Variants in STXBP6 observed in about 807,000 individuals in gnomAD.
STXBP6 encodes the protein syntaxin-binding protein 6.
A neutral mutation model predicts 26.9 loss-of-function variants in STXBP6; 21 were observed. The ratio of observed to expected loss-of-function variants is 0.78; its 90% CI spans 0.55 to 1.12. STXBP6 has a LOEUF of 1.12. STXBP6 is among the 50% of genes most tolerant of loss of function. STXBP6 has a pLI of 0.00. For synonymous variants in STXBP6, 97 were observed against 92.6 expected (o/e 1.05, Z -0.27); for missense variants, 232 against 257.9 (o/e 0.90, Z 0.69).
intron 2 of STXBP6, among the ~76,000 whole-genome samples, chr14:24,930,633 A>G (rs1042088570): frequency 2.0e-5 from 3 of 152,312 alleles, no homozygotes; most frequent in South Asian, 2.1e-4. Flanking sequence ...AGGTTTACCA[A>G]AATTACAACT....
At chr14:24,878,454 T>A (rs2070227865) in intron 2 of STXBP6, among the ~76,000 whole-genome samples, 3 of 152,114 alleles carry the variant, frequency 2.0e-5, no homozygotes, top group African/African-American at 7.2e-5. Flanking sequence ...TTCTTAACAC[T>A]TTATCTTTTC....
At chr14:24,951,485 CT>C (rs1320463676) in intron 2 of STXBP6, among the ~76,000 whole-genome samples, 14 of 152,126 alleles carry the variant, frequency 9.2e-5, no homozygotes, top group Non-Finnish European at 2.1e-4. Flanking sequence ...TGATGATGAG[CT>C]TTTTTTCATG....
intron 2 of STXBP6, among the ~76,000 whole-genome samples, chr14:24,942,259 T>C (rs2072829481): frequency 6.6e-5 from 10 of 152,146 alleles, no homozygotes. Context: ...AAAAATGATA[T>C]CAAGGGACTA....
intron 5 of STXBP6, 66 bp downstream of exon 5, chr14:24,818,971 A>C: frequency 6.7e-7 from 1 of 1,496,816 alleles, no homozygotes; most frequent in Non-Finnish European, 8.9e-7. Flanking sequence ...TACTGAAATA[A>C]AGTTTCTTGG....
intron 2 of STXBP6, among the ~76,000 whole-genome samples, chr14:24,966,961 A>G: frequency 6.6e-6 from 1 of 152,340 alleles, no homozygotes; most frequent in East Asian, 1.9e-4. Context: ...CATGATTATC[A>G]CTAAAGCCGT....
chr14:24,968,391 A>G (rs1349361427), intron 2 of STXBP6, among the ~76,000 whole-genome samples: 3 of 152,070 alleles, frequency 2.0e-5, no homozygotes. Context: ...ATAGACTTTG[A>G]GATGAGAGCC....
intron 5 of STXBP6, chr14:24,817,022 T>C (rs972017423): frequency 6.6e-6 from 1 of 152,242 alleles, no homozygotes; most frequent in Non-Finnish European, 1.5e-5. Flanking sequence ...CTGAACACTC[T>C]AGTACGTAGG....
chr14:24,864,141 C>G (rs1449678639), intron 2 of STXBP6, among the ~76,000 whole-genome samples: 1 of 152,084 alleles, frequency 6.6e-6, no homozygotes, highest in Non-Finnish European at 1.5e-5. Context: ...ATTTTTGATC[C>G]ATTCTTAGGC....
chr14:24,944,780 A>G (rs1403009402), intron 2 of STXBP6, among the ~76,000 whole-genome samples: 1 of 151,882 alleles, frequency 6.6e-6, no homozygotes, highest in Middle Eastern at 3.2e-3. Context: ...GTAGGACAGT[A>G]CTCTCCATTG....
chr14:25,021,967 T>C (rs893110124), intron 1 of STXBP6, among the ~76,000 whole-genome samples: 3 of 151,868 alleles, frequency 2.0e-5, no homozygotes, highest in African/African-American at 7.3e-5. Flanking sequence ...CAATAGGGAG[T>C]GGTATAGGCC....
intron 1 of STXBP6, among the ~76,000 whole-genome samples, chr14:25,027,070 T>C (rs2075363170): frequency 1.3e-5 from 2 of 152,184 alleles, no homozygotes; most frequent in Admixed American, 6.5e-5. Flanking sequence ...ATACAAACAA[T>C]GGCATTCAGA....
chr14:24,953,618 CTA>C (rs538610565), intron 2 of STXBP6, among the ~76,000 whole-genome samples: 134 of 152,298 alleles, frequency 8.8e-4, no homozygotes, highest in Middle Eastern at 3.4e-3. Flanking sequence ...TTCTTTTGTT[CTA>C]TGTTTTCTTT....
At chr14:24,835,710 T>C (rs1048098353) in intron 4 of STXBP6, among the ~76,000 whole-genome samples, 2 of 152,170 alleles carry the variant, frequency 1.3e-5, no homozygotes, top group Non-Finnish European at 2.9e-5. Context: ...AATTTTGTGG[T>C]TTGGAATAAA....
At chr14:24,822,925 G>T (rs1378493520) in intron 4 of STXBP6, among the ~76,000 whole-genome samples, 2 of 152,160 alleles carry the variant, frequency 1.3e-5, no homozygotes, top group African/African-American at 2.4e-5. Context: ...TAACTCAAAA[G>T]TTGGGACTCA....
At chr14:24,992,239 C>G (rs1230903898) in intron 1 of STXBP6, among the ~76,000 whole-genome samples, 1 of 152,168 alleles carries the variant, frequency 6.6e-6, no homozygotes, top group Non-Finnish European at 1.5e-5. Context: ...TTTAAAGGTA[C>G]TACTTAGTCC....
At chr14:25,028,721 T>G (rs763776099) in intron 1 of STXBP6, among the ~76,000 whole-genome samples, 1 of 152,302 alleles carries the variant, frequency 6.6e-6, no homozygotes, top group East Asian at 1.9e-4. Context: ...CAGTGATTCC[T>G]CCGATGTATC....
chr14:25,000,469 C>G (rs2074732213), intron 1 of STXBP6, among the ~76,000 whole-genome samples: 1 of 151,048 alleles, frequency 6.6e-6, no homozygotes. Flanking sequence ...ATGAAGGCCT[C>G]AGAAGCAAAA....
intron 2 of STXBP6, among the ~76,000 whole-genome samples, chr14:24,970,268 AATTT>A (rs1172519967): frequency 6.6e-6 from 1 of 152,170 alleles, no homozygotes; most frequent in Non-Finnish European, 1.5e-5. Context: ...ATTTCATTGA[AATTT>A]ATTTATATAT....
intron 2 of STXBP6, among the ~76,000 whole-genome samples, chr14:24,902,916 G>A (rs556014838): frequency 6.6e-6 from 1 of 152,036 alleles, no homozygotes; most frequent in East Asian, 1.9e-4. Context: ...TATACAACAG[G>A]TGATCCATAG....
Sources: allele counts gnomAD v4.1 joint callset (sites outside exome capture counted in the v4.1 genomes callset), GRCh38; gene constraint gnomAD v4.1.1; transcripts MANE v1.5; gene names NCBI Gene and HGNC (gene_info 2026-07-23, HGNC 2026-07-21).